PAK5: variants seen among roughly 807,000 people sequenced by gnomAD.
PAK5 encodes p21 (RAC1) activated kinase 5.
PAK5 carries 16 observed loss-of-function variants against 65.9 expected under a neutral mutation model. That is an observed-to-expected ratio of 0.24 (90% CI 0.16 to 0.37). The LOEUF (loss-of-function observed/expected upper bound fraction) is 0.37. Among genes scored for constraint, PAK5 ranks in the 10% least tolerant of loss-of-function variants. The pLI is 1.00. For missense variants in PAK5, 785 were observed against 903.9 expected, an observed-to-expected ratio of 0.87 and a Z score of 1.69; for synonymous variants, 371 against 354.9, an observed-to-expected ratio of 1.05 and a Z score of -0.51.
intron 4 of PAK5, among the ~76,000 whole-genome samples, chr20:9,569,461 G>C (rs2045738509): frequency 1.3e-5 from 2 of 152,218 alleles, no homozygotes; most frequent in African/African-American, 4.8e-5. Context: ...AGAAAGAGCA[G>C]AGGGATCTTG....
chr20:9,713,047 C>G (rs2048096814), intron 1 of PAK5, among the ~76,000 whole-genome samples: 1 of 151,950 alleles, frequency 6.6e-6, no homozygotes, highest in African/African-American at 2.4e-5. Context: ...AACTTCTGAA[C>G]AGCAAAGGAA....
At chr20:9,603,840 G>T (rs1220998292) in intron 3 of PAK5, among the ~76,000 whole-genome samples, 1 of 152,122 alleles carries the variant, frequency 6.6e-6, no homozygotes, top group Non-Finnish European at 1.5e-5. Flanking sequence ...GAGCCAGGAG[G>T]TAGAAAAGCT....
At chr20:9,563,443 C>T (rs1003102340) in intron 5 of PAK5, among the ~76,000 whole-genome samples, 4 of 152,116 alleles carry the variant, frequency 2.6e-5, no homozygotes, top group Non-Finnish European at 5.9e-5. Flanking sequence ...GAATGAGTCC[C>T]ACAAGTGAAT....
At chr20:9,566,837 T>G (rs112683994) in intron 4 of PAK5, among the ~76,000 whole-genome samples, 110 of 152,238 alleles carry the variant, frequency 7.2e-4, no homozygotes, top group African/African-American at 2.3e-3. Context: ...TGCTAAGTGG[T>G]GTGAACCACA....
At chr20:9,557,305 C>T (rs2045522506) in intron 7 of PAK5, among the ~76,000 whole-genome samples, 1 of 152,142 alleles carries the variant, frequency 6.6e-6, no homozygotes, top group African/African-American at 2.4e-5. Context: ...GAAGAGTCAG[C>T]TCTTCTCCTC....
At chr20:9,746,307 A>G (rs753685542) in intron 1 of PAK5, among the ~76,000 whole-genome samples, 9 of 152,048 alleles carry the variant, frequency 5.9e-5, no homozygotes, top group Non-Finnish European at 1.2e-4. Flanking sequence ...TTTCTCTATC[A>G]CCTACATCCC....
chr20:9,732,512 C>T lies in PAK5; in HGVS notation c.-161-21077G>A, dbSNP rs73895968. On this transcript the variant is annotated intron_variant, in intron 1 of 9. Transcript: ENST00000353224. ...AAGACATTGTTGACATTTTAGTCTACATCCTTCCAGGTTTAAATTAGCATA... is the reference window on the plus strand; with the variant it reads ...AAGACATTGTTGACATTTTAGTCTATATCCTTCCAGGTTTAAATTAGCATA... 6.4e-3 allele frequency among the ~76,000 whole-genome samples: 978 copies of T among 152,312 alleles called. 16 individuals are homozygous for T. Among genetic ancestry groups the T allele is most frequent in the African/African-American group, 0.022 (928 of 41,576 alleles).
chr20:9,626,699 T>C (rs1465657057), intron 3 of PAK5, among the ~76,000 whole-genome samples: 1 of 152,240 alleles, frequency 6.6e-6, no homozygotes, highest in Non-Finnish European at 1.5e-5. Context: ...TTTGCAAATT[T>C]CAATTTACAT....
Position 9,562,997 on chromosome 20 carries a change from C to T in PAK5, c.1510G>A (p.Asp504Asn), listed in dbSNP as rs751975518. ...CTGCTGTACATGTCAACCACATTGT[C>T]ATGGTGGTAATCCCGCATGATCACG... is the stretch of plus-strand genomic sequence containing the variant. ...EVVIMRDYHH[D>N]NVVDMYSSYL... The change falls in exon 6 of 10, where the codon GAC (aspartate) becomes AAC (asparagine). Residue 504 changes from aspartate to asparagine, a missense_variant. This residue lies in a region of PAK5 where 182 missense variants were observed against 273.0 expected (regional missense o/e 0.67). Transcript: ENST00000353224. The T allele has an allele frequency of 1.2e-6, 2 of 1,613,358 alleles. No individual in the cohort carries two copies. The highest frequency in any genetic ancestry group is 2.2e-5 in the South Asian group (2 of 91,038).
intron 3 of PAK5, among the ~76,000 whole-genome samples, chr20:9,621,224 A>T (rs1174217419): frequency 6.6e-6 from 1 of 152,142 alleles, no homozygotes. Flanking sequence ...ATGCAAAAAT[A>T]TAAAGAGAGG....
chr20:9,539,852 T>C (rs1158020602), intron 9 of PAK5, among the ~76,000 whole-genome samples: 2 of 152,242 alleles, frequency 1.3e-5, no homozygotes, highest in African/African-American at 2.4e-5. Flanking sequence ...GAATGAAAAC[T>C]TATTTACTAC....
rs1363404594 is a variant in PAK5, at chr20:9,580,930, T to C, written c.205A>G (p.Thr69Ala). 3 of 1,569,868 alleles carry C rather than the reference T, an allele frequency of 1.9e-6. No individual in the cohort carries two copies. Among genetic ancestry groups the C allele is most frequent in the Non-Finnish European group, 2.6e-6 (3 of 1,159,280 alleles). Residue 69 changes from threonine (T) to alanine (A), a missense_variant and splice_region_variant, in exon 4 of 10, where the codon ACA (threonine) becomes GCA (alanine). This residue lies in a region of PAK5 where 71 missense variants were observed against 110.2 expected (regional missense o/e 0.64). Coordinates refer to ENST00000353224, the MANE Select transcript of PAK5 (RefSeq NM_177990.4). ...ITPIQLAPMK[T>A]IVRGNKPCKE... ...CAGGGTTTGTTTCCTCTAACGATTG[T>C]CTGGGAATAATAGAGGGAATATTGT...
At chr20:9,709,749 A>G (rs1011115846) in intron 2 of PAK5, among the ~76,000 whole-genome samples, 3 of 152,158 alleles carry the variant, frequency 2.0e-5, no homozygotes, top group African/African-American at 7.2e-5. Flanking sequence ...CTTTGCTGAG[A>G]TCTTAAAATA....
chr20:9,555,688 T>C (rs1220707020), intron 7 of PAK5, among the ~76,000 whole-genome samples: 2 of 152,204 alleles, frequency 1.3e-5, no homozygotes, highest in Non-Finnish European at 2.9e-5. Flanking sequence ...CCCTTTGCAA[T>C]GTGACTTGGC....
intron 2 of PAK5, among the ~76,000 whole-genome samples, chr20:9,708,056 A>T (rs1251151350): frequency 6.6e-6 from 1 of 152,162 alleles, no homozygotes; most frequent in East Asian, 1.9e-4. Context: ...TTACAATACT[A>T]CAGTCTTTTG....
chr20:9,547,048 T>C (rs2045355998), intron 7 of PAK5, among the ~76,000 whole-genome samples: 1 of 152,144 alleles, frequency 6.6e-6, no homozygotes, highest in Non-Finnish European at 1.5e-5. Context: ...TCATATTGGA[T>C]TGGGGACAGG....
At position 9,684,558 on chromosome 20, in the gene PAK5, T is replaced by C. The variant is rs532527530; in HGVS notation, c.-12+26728A>G. The stretch of plus-strand genomic sequence containing the variant: ...ATGTGGACATACTGGTTTGCTAATG[T>C]AACATGATGATCCTCTTTTCCTTCC... On this transcript the variant is annotated intron_variant, in intron 2 of 9. Transcript: ENST00000353224. Among the ~76,000 whole-genome samples the C allele has an allele frequency of 2.0e-3, 300 of 152,352 alleles. 2 individuals are homozygous for C. The highest frequency in any genetic ancestry group is 6.9e-3 in the African/African-American group (289 of 41,586).
At chr20:9,782,369 A>G (rs2048949894) in intron 1 of PAK5, among the ~76,000 whole-genome samples, 1 of 152,196 alleles carries the variant, frequency 6.6e-6, no homozygotes, top group African/African-American at 2.4e-5. Context: ...CATTTATGTA[A>G]GAGCTTATTA....
At chr20:9,833,517 C>A (rs774329970) in intron 1 of PAK5, among the ~76,000 whole-genome samples, 6 of 148,606 alleles carry the variant, frequency 4.0e-5, no homozygotes, top group Non-Finnish European at 5.9e-5. Flanking sequence ...CATCAAACTT[C>A]CCCCCACCTT....
Sources: allele counts gnomAD v4.1 joint callset (sites outside exome capture counted in the v4.1 genomes callset), GRCh38; gene constraint gnomAD v4.1.1; regional missense constraint gnomAD v4.1.1; transcripts MANE v1.5; gene names NCBI Gene and HGNC (gene_info 2026-07-23, HGNC 2026-07-21).